The following TMEM132D variants were observed in gnomAD, a reference collection of about 807,000 sequenced individuals.
The protein encoded by TMEM132D is transmembrane protein 132D, also known as mature OL transmembrane protein.
A neutral mutation model predicts 62.3 loss-of-function variants in TMEM132D; 21 were observed. The observed-to-expected ratio is 0.34, with a 90% CI of 0.24 to 0.49. The LOEUF (loss-of-function observed/expected upper bound fraction) is 0.49, where lower values mean the gene tolerates loss of function less well. Among genes scored for constraint, TMEM132D ranks in the 20% least tolerant of loss-of-function variants. TMEM132D has a pLI of 0.99. For synonymous variants in TMEM132D, 621 were observed against 575.6 expected, an observed-to-expected ratio of 1.08 and a Z score of -1.13; for missense variants, 1,346 against 1,402.8, an observed-to-expected ratio of 0.96 and a Z score of 0.65.
At chr12:129,394,424 G>A (rs1871366640) in intron 3 of TMEM132D, among the ~76,000 whole-genome samples, 1 of 152,186 alleles carries the variant, frequency 6.6e-6, no homozygotes, top group South Asian at 2.1e-4. Context: ...AGATCAGTTG[G>A]CTCGAAAATG....
At chr12:129,499,069 G>A (rs1448976705) in intron 3 of TMEM132D, among the ~76,000 whole-genome samples, 1 of 152,122 alleles carries the variant, frequency 6.6e-6, no homozygotes, top group Non-Finnish European at 1.5e-5. Flanking sequence ...CATGTGCTCT[G>A]TAATATTCTG....
chr12:129,902,847 G>A (rs988944578), intron 1 of TMEM132D, among the ~76,000 whole-genome samples: 1 of 152,172 alleles, frequency 6.6e-6, no homozygotes, highest in Non-Finnish European at 1.5e-5. Flanking sequence ...TGCCACCAGG[G>A]AAAGTCAATC....
intron 5 of TMEM132D, among the ~76,000 whole-genome samples, chr12:129,087,677 C>G (rs974792930): frequency 3.9e-5 from 6 of 152,152 alleles, no homozygotes; most frequent in African/African-American, 1.4e-4. Context: ...ACAGGCCTAC[C>G]GACACCTTGA....
intron 2 of TMEM132D, among the ~76,000 whole-genome samples, chr12:129,621,965 G>A (rs189984266): frequency 1.2e-4 from 18 of 152,112 alleles, no homozygotes; most frequent in African/African-American, 4.1e-4. Flanking sequence ...TCTCCCTAGC[G>A]CCCATTTGAT....
chr12:129,144,561 AC>A (rs1485584053), intron 5 of TMEM132D, among the ~76,000 whole-genome samples: 1 of 152,168 alleles, frequency 6.6e-6, no homozygotes, highest in African/African-American at 2.4e-5. Context: ...GTGAGGAGGC[AC>A]CTGGGACCAT....
chr12:129,732,003 C>T (rs1475674639), intron 1 of TMEM132D, among the ~76,000 whole-genome samples: 2 of 152,106 alleles, frequency 1.3e-5, no homozygotes, highest in African/African-American at 4.8e-5. Context: ...GGTTTTAAAA[C>T]AGCCCCATGG....
chr12:129,594,116 G>A (rs1274929553), intron 2 of TMEM132D, among the ~76,000 whole-genome samples: 1 of 152,168 alleles, frequency 6.6e-6, no homozygotes, highest in Non-Finnish European at 1.5e-5. Context: ...GACATGGAGG[G>A]TACATGAAGC....
At chr12:129,261,962 A>G (rs551719052) in intron 4 of TMEM132D, among the ~76,000 whole-genome samples, 1 of 152,276 alleles carries the variant, frequency 6.6e-6, no homozygotes, top group East Asian at 1.9e-4. Flanking sequence ...TGACAATAAA[A>G]AGGGATAAAT....
intron 2 of TMEM132D, among the ~76,000 whole-genome samples, chr12:129,617,328 G>A (rs1265125769): frequency 1.3e-5 from 2 of 152,180 alleles, no homozygotes; most frequent in African/African-American, 4.8e-5. Flanking sequence ...GACATTCCCA[G>A]GAAGGTCTTC....
intron 2 of TMEM132D, among the ~76,000 whole-genome samples, chr12:129,545,056 G>T (rs1384911218): frequency 6.6e-6 from 1 of 152,226 alleles, no homozygotes; most frequent in Non-Finnish European, 1.5e-5. Context: ...CTCCGACAAT[G>T]ATCAGCTTTC....
At chr12:129,324,965 C>A (rs937541136) in intron 4 of TMEM132D, among the ~76,000 whole-genome samples, 1 of 152,210 alleles carries the variant, frequency 6.6e-6, no homozygotes, top group Admixed American at 6.5e-5. Context: ...CCCCGTGCTA[C>A]GTGTTTGACT....
chr12:129,684,050 C>A (rs188937839), intron 2 of TMEM132D, among the ~76,000 whole-genome samples: 1 of 152,210 alleles, frequency 6.6e-6, no homozygotes, highest in Admixed American at 6.5e-5. Flanking sequence ...GTGGACATAG[C>A]CAAAGAAGAC....
chr12:129,235,948 T>C (rs1879767232), intron 4 of TMEM132D, among the ~76,000 whole-genome samples: 1 of 152,186 alleles, frequency 6.6e-6, no homozygotes, highest in South Asian at 2.1e-4. Flanking sequence ...AGTGTGGACA[T>C]TTTAACAATA....
At position 129,713,138 on chromosome 12, in the gene TMEM132D, C is replaced by T. The variant is rs375516673; in HGVS notation, c.80-12440G>A. Among the ~76,000 whole-genome samples, 155 of 152,266 alleles carry T rather than the reference C, an allele frequency of 1.0e-3. 3 individuals carry two copies. In the South Asian group the frequency reaches 0.031, roughly 30 times the overall value. On this transcript the variant is annotated intron_variant, in intron 1 of 8. Transcript: ENST00000422113. The stretch of plus-strand genomic sequence containing the variant: ...CAAGTAGCAGCAGCACCTGGGAACG[C>T]GCTAGGATGCACATTCTCAGGCCCC...
intron 3 of TMEM132D, among the ~76,000 whole-genome samples, chr12:129,342,624 C>G (rs1566039132): frequency 6.6e-6 from 1 of 152,130 alleles, no homozygotes; most frequent in Non-Finnish European, 1.5e-5. Flanking sequence ...AAACTACCAT[C>G]AGAGTGAACA....
intron 3 of TMEM132D, among the ~76,000 whole-genome samples, chr12:129,378,071 C>G (rs1870835227): frequency 6.6e-6 from 1 of 152,158 alleles, no homozygotes; most frequent in African/African-American, 2.4e-5. Context: ...TTGCACATAC[C>G]CCTTTCAAAG....
At chr12:129,707,346 C>G (rs1408931138) in intron 1 of TMEM132D, among the ~76,000 whole-genome samples, 1 of 141,164 alleles carries the variant, frequency 7.1e-6, no homozygotes, top group Non-Finnish European at 1.5e-5. Context: ...ACAAATCATG[C>G]ATTTATATAG....
At chr12:129,542,544 T>C (rs1429655129) in intron 2 of TMEM132D, among the ~76,000 whole-genome samples, 1 of 152,130 alleles carries the variant, frequency 6.6e-6, no homozygotes, top group Non-Finnish European at 1.5e-5. Context: ...ATAAGAGAAG[T>C]TCCTCTTGCT....
chr12:129,103,020 C>T (rs77231381), intron 5 of TMEM132D, among the ~76,000 whole-genome samples: 6,057 of 152,246 alleles, frequency 0.04, 417 homozygotes, highest in African/African-American at 0.14. Context: ...AGCACATTTA[C>T]GAAAGTAAAC....
Sources: allele counts gnomAD v4.1 joint callset (sites outside exome capture counted in the v4.1 genomes callset), GRCh38; gene constraint gnomAD v4.1.1; transcripts MANE v1.5; gene names NCBI Gene and HGNC (gene_info 2026-07-23, HGNC 2026-07-21).